The following ODF2L variants were observed in gnomAD, a reference collection of about 807,000 sequenced individuals.
The protein encoded by ODF2L is outer dense fiber of sperm tails 2 like, also known as protein BCAP.
A neutral mutation model predicts 86.3 loss-of-function variants in ODF2L; 76 were observed. The ratio of observed to expected loss-of-function variants is 0.88; its 90% CI spans 0.73 to 1.07. ODF2L has a LOEUF of 1.07. ODF2L is among the 50% of genes least tolerant of loss of function. ODF2L has a pLI of 0.00. For missense variants in ODF2L, 748 were observed against 717.4 expected, an observed-to-expected ratio of 1.04 and a Z score of -0.49; for synonymous variants, 241 against 231.3, an observed-to-expected ratio of 1.04 and a Z score of -0.38.
At chr1:86,352,939 G>T (rs768235922) in exon 17 of ODF2L, 30 of 1,538,084 alleles carry the variant, frequency 2.0e-5, no homozygotes, top group Non-Finnish European at 2.7e-5. Flanking sequence ...ATTTTAATTT[G>T]TAAAGCACTC....
intron 8 of ODF2L, among the ~76,000 whole-genome samples, chr1:86,372,756 A>C (rs1199616031): frequency 6.6e-6 from 1 of 152,220 alleles, no homozygotes; most frequent in Non-Finnish European, 1.5e-5. Flanking sequence ...TGAGTGGATA[A>C]AGAAAATATG....
exon 18 of ODF2L, chr1:86,350,703 T>C (rs1658070257): frequency 6.6e-6 from 1 of 152,170 alleles, no homozygotes; most frequent in Non-Finnish European, 1.5e-5. Flanking sequence ...GTTGAACTAA[T>C]TTACACTCCC....
chr1:86,385,441 A>G lies in ODF2L; in HGVS notation c.246+17T>C, dbSNP rs1660879409. On this transcript the variant is annotated intron_variant, in intron 3 of 17. Transcript: ENST00000317336. ...ATACTAGCTTTTCATTTTATTATAT[A>G]TTCATAAGTCACTCACATTTTCAAA... 1 of 1,495,644 alleles carries G rather than the reference A, an allele frequency of 6.7e-7. No homozygotes were observed. The highest frequency in any genetic ancestry group is 1.4e-5 in the African/African-American group (1 of 72,028). The allele number at this position is 1,495,644 out of a possible 1,614,324, so 92.6% of individuals were successfully genotyped here.
At chr1:86,370,988 C>T in intron 10 of ODF2L, 30 bp downstream of exon 10, 1 of 1,466,854 alleles carries the variant, frequency 6.8e-7, no homozygotes, top group Non-Finnish European at 9.1e-7. Flanking sequence ...TTACACAATA[C>T]ATGCCTGCTC....
At chr1:86,349,010 CTGA>C (rs1657951231), downstream of ODF2L, 1 of 865,396 alleles carries the variant, frequency 1.2e-6, no homozygotes, top group African/African-American at 1.8e-5. Context: ...ATACTCACAT[CTGA>C]TGTGTTCATT....
At chr1:86,372,942 T>C (rs1343509119) in intron 8 of ODF2L, among the ~76,000 whole-genome samples, 2 of 152,054 alleles carry the variant, frequency 1.3e-5, no homozygotes, top group Non-Finnish European at 2.9e-5. Flanking sequence ...ATAAGATTGA[T>C]ATAAAGGACT....
exon 14 of ODF2L, chr1:86,356,461 T>C: frequency 1.2e-6 from 2 of 1,611,938 alleles, no homozygotes; most frequent in Non-Finnish European, 1.7e-6. Flanking sequence ...TGAAGCTCCC[T>C]AATGGTGTGT....
At chr1:86,363,162 C>T (rs1183790548) in intron 11 of ODF2L, among the ~76,000 whole-genome samples, 2 of 151,980 alleles carry the variant, frequency 1.3e-5, no homozygotes, top group African/African-American at 4.8e-5. Flanking sequence ...CTGGAAGCAG[C>T]GTATGAGAGA....
intron 1 of ODF2L, among the ~76,000 whole-genome samples, chr1:86,395,731 T>C (rs950684005): frequency 6.6e-6 from 1 of 152,112 alleles, no homozygotes; most frequent in Admixed American, 6.5e-5. Context: ...TGCAACCATA[T>C]CCAGGAACGG....
rs779102720 is a variant in ODF2L, at chr1:86,376,230, T to C, written c.810+3A>G. The C allele has an allele frequency of 1.3e-6, 2 of 1,571,852 alleles. No homozygotes were observed. Among genetic ancestry groups the C allele is most frequent in the South Asian group, 1.1e-5 (1 of 89,460 alleles). ...TAATTTTAAAAAGAATGCATTTACA[T>C]ACCTGATCTCTAATTTGGGAAGTAA... is the stretch of plus-strand genomic sequence containing the variant. On this transcript the variant is annotated splice_donor_region_variant and intron_variant, in intron 8 of 17. Transcript: ENST00000317336.
intron 3 of ODF2L, 105 bp from the exon 4 acceptor site, chr1:86,384,906 T>A: frequency 1.2e-6 from 1 of 829,864 alleles, no homozygotes; most frequent in Non-Finnish European, 1.7e-6. Flanking sequence ...ACAAAATCAT[T>A]CTTTTGTGCA....
chr1:86,382,113 A>G (rs1660627335), intron 7 of ODF2L, 129 bp downstream of exon 7: 1 of 1,233,232 alleles, frequency 8.1e-7, no homozygotes, highest in African/African-American at 1.6e-5. Context: ...ATTTACCTTA[A>G]ATATGTATTT....
At chr1:86,392,450 TAATA>T (rs1296143759) in intron 1 of ODF2L, among the ~76,000 whole-genome samples, 1 of 152,004 alleles carries the variant, frequency 6.6e-6, no homozygotes, top group Non-Finnish European at 1.5e-5. Context: ...CATATATATA[TAATA>T]TATACATGAT....
At chr1:86,375,288 A>C (rs944561073) in intron 8 of ODF2L, among the ~76,000 whole-genome samples, 1 of 152,284 alleles carries the variant, frequency 6.6e-6, no homozygotes, top group East Asian at 1.9e-4. Context: ...AGAAAGGAGG[A>C]CAATGCAAAA....
intron 4 of ODF2L, 66 bp downstream of exon 4, chr1:86,384,610 A>G: frequency 9.4e-7 from 1 of 1,067,718 alleles, no homozygotes. Context: ...CTACAGTTTA[A>G]AAATAATGTA....
intron 13 of ODF2L, chr1:86,357,882 C>T (rs779789798): frequency 3.8e-4 from 378 of 985,170 alleles, no homozygotes; most frequent in Non-Finnish European, 4.5e-4. Flanking sequence ...TACAGTGCTG[C>T]CTAGCAGAAA....
At chr1:86,363,469 T>A (rs1372657778) in intron 11 of ODF2L, among the ~76,000 whole-genome samples, 1 of 152,192 alleles carries the variant, frequency 6.6e-6, no homozygotes, top group Non-Finnish European at 1.5e-5. Flanking sequence ...TACCTAGTAT[T>A]GGAAAATGTA....
At chr1:86,360,128 C>T (rs568023656) in intron 12 of ODF2L, among the ~76,000 whole-genome samples, 1 of 152,182 alleles carries the variant, frequency 6.6e-6, no homozygotes, top group African/African-American at 2.4e-5. Flanking sequence ...TGATGACAAA[C>T]AAATATAACC....
intron 1 of ODF2L, among the ~76,000 whole-genome samples, chr1:86,394,621 A>G (rs1294481264): frequency 1.3e-5 from 2 of 152,146 alleles, no homozygotes; most frequent in African/African-American, 4.8e-5. Flanking sequence ...GAGAGAGCAG[A>G]CCGCGACCAG....
Sources: gnomAD v4.1 joint callset for allele counts (sites outside exome capture counted in the v4.1 genomes callset) on GRCh38, gnomAD v4.1.1 for gene constraint, MANE v1.5 for transcripts, NCBI Gene and HGNC (gene_info 2026-07-23, HGNC 2026-07-21) for gene names.